Variants in CDYL observed in about 807,000 individuals in gnomAD.
CDYL encodes the protein chromodomain Y-like protein.
A neutral mutation model predicts 47.3 loss-of-function variants in CDYL; 8 were observed. The observed-to-expected ratio is 0.17, with a 90% CI of 0.10 to 0.31. The LOEUF (loss-of-function observed/expected upper bound fraction) is 0.31. CDYL is among the 10% of genes least tolerant of loss of function. The probability of loss-of-function intolerance (pLI) is 1.00; values close to 1 mark genes in which losing one functional copy is unlikely to be tolerated. For synonymous variants in CDYL, 266 were observed against 265.0 expected (o/e 1.00, Z -0.04); for missense variants, 471 against 701.4 (o/e 0.67, Z 3.71).
At chr6:4,758,733 G>C (rs1455423890) in intron 3 of CDYL, among the ~76,000 whole-genome samples, 1 of 151,992 alleles carries the variant, frequency 6.6e-6, no homozygotes, top group Non-Finnish European at 1.5e-5. Flanking sequence ...TATAATTCTA[G>C]AGAAAAGTCA....
chr6:4,782,015 T>A (rs1183821182), intron 1 of CDYL, among the ~76,000 whole-genome samples: 2 of 141,150 alleles, frequency 1.4e-5, no homozygotes, highest in Non-Finnish European at 3.0e-5. Context: ...TAGGAGCCTC[T>A]GGATACGCCC....
rs538463839 is a variant in CDYL, at chr6:4,950,080, C to T, written c.1333-2186C>T. On this transcript the variant is annotated intron_variant, in intron 5 of 6. Transcript: ENST00000397588. ...GCTGAGCAGAGAGAAGGGCCGTTCTCGGCTGGTATCAGGCCCAAGAGAGTC... is the reference window on the plus strand; with the variant it reads ...GCTGAGCAGAGAGAAGGGCCGTTCTTGGCTGGTATCAGGCCCAAGAGAGTC... Among the ~76,000 whole-genome samples the T allele has an allele frequency of 8.5e-5, 13 of 152,190 alleles. No individual in the cohort carries two copies. The South Asian group carries it at 2.5e-3, about 29-fold the overall frequency.
chr6:4,891,166 A>G (rs1377913569), intron 1 of CDYL, among the ~76,000 whole-genome samples: 1 of 152,268 alleles, frequency 6.6e-6, no homozygotes, highest in Non-Finnish European at 1.5e-5. Flanking sequence ...AGACTGTTTT[A>G]TTACAATCAA....
At chr6:4,809,683 A>G (rs1252918729) in intron 1 of CDYL, among the ~76,000 whole-genome samples, 4 of 149,526 alleles carry the variant, frequency 2.7e-5, no homozygotes, top group Non-Finnish European at 5.9e-5. Context: ...GATATTTTGT[A>G]TGGTAGGGGT....
chr6:4,863,927 T>C (rs543847473), intron 1 of CDYL, among the ~76,000 whole-genome samples: 1 of 152,296 alleles, frequency 6.6e-6, no homozygotes, highest in South Asian at 2.1e-4. Flanking sequence ...GATCCTCAAG[T>C]TGAAACACGC....
chr6:4,866,165 A>AATTTTT, intron 1 of CDYL, among the ~76,000 whole-genome samples: 1 of 152,190 alleles, frequency 6.6e-6, no homozygotes, highest in South Asian at 2.1e-4. Context: ...ACCGGAATTA[A>AATTTTT]GAGTGGTTGT....
chr6:4,732,180 C>G (rs182201926), intron 2 of CDYL, among the ~76,000 whole-genome samples: 21 of 151,568 alleles, frequency 1.4e-4, no homozygotes, highest in Non-Finnish European at 2.4e-4. Context: ...ACAAAAAGTA[C>G]AAAAATTAGC....
chr6:4,893,193 G>A (rs1762099325), intron 2 of CDYL, among the ~76,000 whole-genome samples: 1 of 152,156 alleles, frequency 6.6e-6, no homozygotes, highest in Non-Finnish European at 1.5e-5. Context: ...GTCATTCTTG[G>A]ACGAGGGTGG....
At chr6:4,762,306 G>A (rs1758186775) in intron 3 of CDYL, among the ~76,000 whole-genome samples, 1 of 152,090 alleles carries the variant, frequency 6.6e-6, no homozygotes, top group African/African-American at 2.4e-5. Flanking sequence ...TTAGGCAGCT[G>A]GCAGGAACAA....
At chr6:4,843,956 T>C (rs1315260587) in intron 1 of CDYL, among the ~76,000 whole-genome samples, 2 of 152,210 alleles carry the variant, frequency 1.3e-5, no homozygotes, top group African/African-American at 4.8e-5. Context: ...TTGGGTATAC[T>C]ATGTCAGAGG....
intron 1 of CDYL, among the ~76,000 whole-genome samples, chr6:4,854,274 G>A (rs1194473994): frequency 3.9e-5 from 6 of 152,218 alleles, no homozygotes; most frequent in Non-Finnish European, 8.8e-5. Flanking sequence ...ATGCCGTCTT[G>A]CAGGCATGGC....
At chr6:4,846,501 C>T (rs1280208171) in intron 1 of CDYL, among the ~76,000 whole-genome samples, 4 of 152,120 alleles carry the variant, frequency 2.6e-5, no homozygotes, top group African/African-American at 9.7e-5. Flanking sequence ...GTAATTGCTT[C>T]CCATGTGATG....
At chr6:4,925,409 C>CTTTTT (rs58457972) in intron 2 of CDYL, among the ~76,000 whole-genome samples, 34 of 109,296 alleles carry the variant, frequency 3.1e-4, no homozygotes, top group Non-Finnish European at 3.5e-4. Context: ...ATTCTTTTTT[C>CTTTTT]TTTTTTTTTT....
intron 1 of CDYL, among the ~76,000 whole-genome samples, chr6:4,813,266 C>T (rs1223890239): frequency 6.6e-6 from 1 of 152,210 alleles, no homozygotes; most frequent in African/African-American, 2.4e-5. Context: ...TCGTCATCTT[C>T]GCCTACTGGA....
chr6:4,756,977 G>A (rs1338213003), intron 3 of CDYL, among the ~76,000 whole-genome samples: 2 of 152,154 alleles, frequency 1.3e-5, no homozygotes, highest in African/African-American at 4.8e-5. Context: ...CAAAACTATT[G>A]TGGTTATTTG....
intron 3 of CDYL, among the ~76,000 whole-genome samples, chr6:4,761,607 G>T (rs993193256): frequency 3.3e-5 from 5 of 152,164 alleles, no homozygotes; most frequent in Non-Finnish European, 4.4e-5. Context: ...CTCCCAAAGT[G>T]CTGGGATTAC....
chr6:4,895,029 GTATA>G, intron 2 of CDYL, among the ~76,000 whole-genome samples: 1 of 151,212 alleles, frequency 6.6e-6, no homozygotes, highest in East Asian at 1.9e-4. Context: ...GTATGTATGT[GTATA>G]TATGTATCTA....
At chr6:4,792,433 A>ATT (rs202226393) in intron 1 of CDYL, among the ~76,000 whole-genome samples, 6 of 137,848 alleles carry the variant, frequency 4.4e-5, no homozygotes, top group African/African-American at 1.4e-4. Context: ...TTAAAAAAAA[A>ATT]TTTTTTTTTT....
intron 1 of CDYL, among the ~76,000 whole-genome samples, chr6:4,830,710 G>A (rs988618570): frequency 4.6e-5 from 7 of 150,648 alleles, no homozygotes; most frequent in African/African-American, 7.3e-5. Flanking sequence ...CCACTAACTC[G>A]TCATCTAGCA....
Sources: allele counts gnomAD v4.1 joint callset (sites outside exome capture counted in the v4.1 genomes callset), GRCh38; gene constraint gnomAD v4.1.1; transcripts MANE v1.5; gene names NCBI Gene and HGNC (gene_info 2026-07-23, HGNC 2026-07-21).